Variants in SLC4A4 observed in about 807,000 individuals in gnomAD.
SLC4A4 encodes the protein electrogenic sodium bicarbonate cotransporter 1.
Under a neutral mutation model 111.5 loss-of-function variants are expected in SLC4A4, and 27 were observed. That is an observed-to-expected ratio of 0.24 (90% CI 0.18 to 0.33). SLC4A4 has a LOEUF of 0.33. SLC4A4 is among the 10% of genes least tolerant of loss of function. The pLI is 1.00. For missense variants in SLC4A4, 909 were observed against 1,315.5 expected (o/e 0.69, Z 4.78); for synonymous variants, 443 against 463.4 (o/e 0.96, Z 0.57).
intron 16 of SLC4A4, among the ~76,000 whole-genome samples, chr4:71,508,342 G>A (rs1731605493): frequency 6.6e-6 from 1 of 152,124 alleles, no homozygotes; most frequent in South Asian, 2.1e-4. Flanking sequence ...CCACTATCTA[G>A]ACTAATAAAG....
At chr4:71,211,932 G>A (rs1461551462) in intron 1 of SLC4A4, among the ~76,000 whole-genome samples, 1 of 151,910 alleles carries the variant, frequency 6.6e-6, no homozygotes, top group East Asian at 1.9e-4. Flanking sequence ...ATTTTTTTTA[G>A]AATTACCTAA....
intron 8 of SLC4A4, among the ~76,000 whole-genome samples, chr4:71,442,394 G>T (rs1002805703): frequency 2.0e-5 from 3 of 152,030 alleles, no homozygotes; most frequent in Admixed American, 6.6e-5. Flanking sequence ...ACTATTTCAG[G>T]GCAATAATCT....
chr4:71,074,064 T>C (rs1004469049), intron 1 of SLC4A4, among the ~76,000 whole-genome samples: 3 of 152,136 alleles, frequency 2.0e-5, no homozygotes, highest in Admixed American at 6.6e-5. Flanking sequence ...GGAAAGGTGC[T>C]ACTATAAGAG....
At chr4:71,379,302 G>T (rs756497021) in intron 6 of SLC4A4, among the ~76,000 whole-genome samples, 1 of 152,010 alleles carries the variant, frequency 6.6e-6, no homozygotes. Context: ...TCTGCCTAAC[G>T]CCCTAATCAT....
chr4:71,136,961 C>A lies in SLC4A4; in HGVS notation c.-2+44169C>A, dbSNP rs373324264. Among the ~76,000 whole-genome samples, 21 of 152,252 alleles carry A rather than the reference C, an allele frequency of 1.4e-4. No homozygotes were observed. In the East Asian group the frequency reaches 1.5e-3, roughly 11 times the overall value. ...TTTGCCTAAATCCAAGGTCTATGCT[C>A]TTACTCTTGACCAAAGAAGAGGTAC... On this transcript the variant is annotated intron_variant, in intron 2 of 26. Coordinates refer to the SLC4A4 transcript ENST00000649996.
At chr4:71,212,806 G>T (rs573191600) in intron 1 of SLC4A4, among the ~76,000 whole-genome samples, 54 of 152,318 alleles carry the variant, frequency 3.5e-4, no homozygotes, top group Non-Finnish European at 3.8e-4. Context: ...TGAGGCTAAA[G>T]CTCCTCTGTT....
chr4:71,210,808 T>A (rs1015278870), intron 1 of SLC4A4, among the ~76,000 whole-genome samples: 1 of 152,244 alleles, frequency 6.6e-6, no homozygotes, highest in Non-Finnish European at 1.5e-5. Flanking sequence ...AGTGTCTGTA[T>A]CTTATTCATT....
intron 1 of SLC4A4, among the ~76,000 whole-genome samples, chr4:71,203,018 A>G (rs558933680): frequency 3.4e-4 from 52 of 152,278 alleles, no homozygotes; most frequent in Middle Eastern, 3.4e-3. Flanking sequence ...CTAAGAATAT[A>G]TAACACATTT....
At chr4:71,527,589 A>C (rs1224223189) in intron 16 of SLC4A4, among the ~76,000 whole-genome samples, 2 of 151,960 alleles carry the variant, frequency 1.3e-5, no homozygotes, top group Non-Finnish European at 2.9e-5. Context: ...TTAGTCAAGC[A>C]GGTCTGTCCT....
chr4:71,448,448 A>G (rs191305874), intron 9 of SLC4A4, among the ~76,000 whole-genome samples: 2 of 152,230 alleles, frequency 1.3e-5, no homozygotes, highest in South Asian at 2.1e-4. Flanking sequence ...GATGGGTTCT[A>G]TAAAATAATG....
rs1725956460 is a variant in SLC4A4, at chr4:71,453,559, G to C, written c.1387G>C (p.Asp463His). Residue 463 changes from aspartate to histidine, a missense_variant, in exon 12 of 26, where the codon GAT becomes CAT. Physicochemically the swap from Asp to His is moderately conservative, Grantham distance 81. This residue lies in a region of SLC4A4 where 312 missense variants were observed against 402.0 expected (regional missense o/e 0.78). Transcript: ENST00000264485. ...KAPFFASDFY[D>H]ALNIQALSAI... ...GCCATTTTTTGCCAGTGATTTTTAT[G>C]ATGCTTTAAATATTCAAGCTCTTTC... The C allele has an allele frequency of 6.2e-7, 1 of 1,613,754 alleles. No homozygotes were observed. The highest frequency in any genetic ancestry group is 8.5e-7 in the Non-Finnish European group (1 of 1,179,836).
intron 2 of SLC4A4, among the ~76,000 whole-genome samples, chr4:71,157,726 G>A (rs1744516741): frequency 1.3e-5 from 2 of 152,104 alleles, no homozygotes; most frequent in South Asian, 4.1e-4. Context: ...TTTGCCTTTG[G>A]TGTCTGCCTT....
At chr4:71,234,061 G>A (rs924200435) in intron 1 of SLC4A4, among the ~76,000 whole-genome samples, 2 of 152,146 alleles carry the variant, frequency 1.3e-5, no homozygotes, top group African/African-American at 4.8e-5. Flanking sequence ...TGTACTTGCT[G>A]TTCCCTTTGC....
intron 3 of SLC4A4, among the ~76,000 whole-genome samples, chr4:71,330,926 G>A (rs997648508): frequency 5.3e-5 from 8 of 152,186 alleles, no homozygotes; most frequent in Non-Finnish European, 7.3e-5. Flanking sequence ...CGAAGGATCT[G>A]AACAGACCCT....
At chr4:71,561,327 T>G (rs1476724154) in intron 23 of SLC4A4, among the ~76,000 whole-genome samples, 3 of 151,846 alleles carry the variant, frequency 2.0e-5, no homozygotes, top group Non-Finnish European at 4.4e-5. Flanking sequence ...AAAGCTTTAT[T>G]GAGGTACGAT....
intron 1 of SLC4A4, among the ~76,000 whole-genome samples, chr4:71,073,694 C>G (rs369230627): frequency 9.2e-5 from 14 of 152,146 alleles, no homozygotes; most frequent in African/African-American, 3.4e-4. Flanking sequence ...AATTTTACCC[C>G]CTTTTTGGTA....
chr4:71,437,606 A>G lies in SLC4A4; in HGVS notation c.808-3010A>G, dbSNP rs75180677. The G allele has an allele frequency of 2.7e-4, 142 of 521,468 alleles. 2 individuals are homozygous for G. The East Asian group carries it at 5.7e-3, about 21-fold the overall frequency. 32.3% of individuals were successfully genotyped at this position (521,468 alleles called of 1,614,324 possible). On this transcript the variant is annotated intron_variant, in intron 7 of 25. Transcript: ENST00000264485. ...TGAAGATCCGTTGTCTCACCCTTCA[A>G]TTTGCCTTCGTCAACATCCACAAAG... is the stretch of plus-strand genomic sequence containing the variant.
At chr4:71,263,593 C>T (rs1429481053) in intron 3 of SLC4A4, among the ~76,000 whole-genome samples, 1 of 152,162 alleles carries the variant, frequency 6.6e-6, no homozygotes, top group East Asian at 1.9e-4. Context: ...TCCCTTTAAC[C>T]TAAATCCTTA....
intron 7 of SLC4A4, among the ~76,000 whole-genome samples, chr4:71,439,782 G>A (rs1348994385): frequency 3.3e-5 from 5 of 151,698 alleles, no homozygotes; most frequent in Admixed American, 6.6e-5. Context: ...ACATGGTGAT[G>A]TCTCTCAAAT....
Sources: gnomAD v4.1 joint callset for allele counts (sites outside exome capture counted in the v4.1 genomes callset) on GRCh38, gnomAD v4.1.1 for gene constraint, gnomAD v4.1.1 regional missense constraint, MANE v1.5 for transcripts, NCBI Gene and HGNC (gene_info 2026-07-23, HGNC 2026-07-21) for gene names.